Variants in SDK1 observed in about 807,000 individuals in gnomAD.
The protein encoded by SDK1 is sidekick cell adhesion molecule 1, also known as protein sidekick-1.
In SDK1, 157 loss-of-function variants were observed where a neutral mutation model predicts 245.5. The ratio of observed to expected loss-of-function variants is 0.64; its 90% CI spans 0.56 to 0.73. SDK1 has a LOEUF of 0.73. SDK1 is among the 30% of genes least tolerant of loss of function. The pLI, the probability that SDK1 is intolerant of heterozygous loss-of-function variation, is 0.00. For missense variants in SDK1, 3,583 were observed against 3,002.3 expected (o/e 1.19, Z -4.52); for synonymous variants, 1,647 against 1,278.5 (o/e 1.29, Z -6.15).
intron 1 of SDK1, among the ~76,000 whole-genome samples, chr7:3,416,671 C>T (rs1225062854): frequency 6.6e-6 from 1 of 152,082 alleles, no homozygotes; most frequent in African/African-American, 2.4e-5. Flanking sequence ...AACCTGGCCA[C>T]CTTCAGGTCT....
intron 1 of SDK1, among the ~76,000 whole-genome samples, chr7:3,587,520 G>C (rs889454926): frequency 6.6e-6 from 1 of 152,184 alleles, no homozygotes; most frequent in African/African-American, 2.4e-5. Flanking sequence ...AAGTACAGGA[G>C]AAGATTGATG....
intron 28 of SDK1, among the ~76,000 whole-genome samples, chr7:4,133,381 G>A (rs1053501784): frequency 6.6e-6 from 1 of 152,230 alleles, no homozygotes; most frequent in African/African-American, 2.4e-5. Context: ...ACAGTGGGGG[G>A]TGAGGAATGA....
intron 5 of SDK1, among the ~76,000 whole-genome samples, chr7:3,903,368 CA>C (rs1202275579): frequency 1.3e-4 from 20 of 152,206 alleles, no homozygotes; most frequent in African/African-American, 2.9e-4. Context: ...TGGTCTCGAT[CA>C]TCTGCTGACC....
At chr7:3,423,506 C>T (rs1353467766) in intron 1 of SDK1, among the ~76,000 whole-genome samples, 1 of 150,532 alleles carries the variant, frequency 6.6e-6, no homozygotes, top group African/African-American at 2.4e-5. Context: ...AATATAAAAA[C>T]AAATTCGGGA....
In SDK1 at chr7:3,615,142, C is replaced by G. The variant is rs556571458; in HGVS notation, c.299-3938C>G. On this transcript the variant is annotated intron_variant, in intron 1 of 44. Transcript: ENST00000404826. ...TCCCTTTCGAAAAGATGTATGTTTT[C>G]TATGACTCATTCGTGTAGGACACTG... Among the ~76,000 whole-genome samples, 42 of 151,606 alleles carry G rather than the reference C, an allele frequency of 2.8e-4. 5 individuals are homozygous for G. Among genetic ancestry groups the G allele is most frequent in the Non-Finnish European group, 5.6e-4 (38 of 67,822 alleles).
rs564385026 is a variant in SDK1, at chr7:4,244,576, G to A, written c.6252-1100G>A. Among the ~76,000 whole-genome samples, 41 of 152,336 alleles carry A rather than the reference G, an allele frequency of 2.7e-4. No individual in the cohort carries two copies. The Middle Eastern group carries it at 0.01, about 38-fold the overall frequency. On this transcript the variant is annotated intron_variant, in intron 43 of 44. Coordinates refer to ENST00000404826, the MANE Select transcript of SDK1 (RefSeq NM_152744.4). ...CTGAAGAGGGTACTCATTTTCTATC[G>A]CTGCATGGCAAATGATCACAAGTTC...
chr7:3,322,725 C>G (rs1779847710), intron 1 of SDK1, among the ~76,000 whole-genome samples: 1 of 152,182 alleles, frequency 6.6e-6, no homozygotes, highest in Admixed American at 6.5e-5. Context: ...TTCCTGGTTT[C>G]ACATGCCACT....
At chr7:4,233,142 CT>C in intron 40 of SDK1, 112 bp from the exon 41 acceptor site, 4 of 973,520 alleles carry the variant, frequency 4.1e-6, no homozygotes, top group South Asian at 3.0e-5. Flanking sequence ...TCCAGTGCCC[CT>C]GATGCCTCAT....
chr7:3,945,858 C>T (rs1358215478), intron 5 of SDK1, among the ~76,000 whole-genome samples: 1 of 126,882 alleles, frequency 7.9e-6, no homozygotes, highest in African/African-American at 3.0e-5. Flanking sequence ...GAGATCGTGC[C>T]ACTGCACTCC....
At chr7:4,081,982 A>T (rs1781089406) in intron 22 of SDK1, among the ~76,000 whole-genome samples, 1 of 152,244 alleles carries the variant, frequency 6.6e-6, no homozygotes. Flanking sequence ...GTTTAACAAA[A>T]GGAAAACCAG....
chr7:3,518,222 T>C (rs1782811608), intron 1 of SDK1, among the ~76,000 whole-genome samples: 1 of 152,104 alleles, frequency 6.6e-6, no homozygotes, highest in Non-Finnish European at 1.5e-5. Flanking sequence ...CAGATAAAAT[T>C]AGTAATATGT....
chr7:3,709,807 G>A (rs921262604), intron 4 of SDK1, among the ~76,000 whole-genome samples: 14 of 152,066 alleles, frequency 9.2e-5, no homozygotes, highest in East Asian at 3.9e-4. Flanking sequence ...ATATCAAAGG[G>A]AACTTGGCCC....
chr7:4,164,670 C>T (rs1456553174), intron 32 of SDK1, among the ~76,000 whole-genome samples: 1 of 152,210 alleles, frequency 6.6e-6, no homozygotes. Context: ...TGGGATGCGT[C>T]ACCTCCTCCA....
intron 5 of SDK1, among the ~76,000 whole-genome samples, chr7:3,869,226 G>A (rs1301182738): frequency 6.7e-6 from 1 of 149,918 alleles, no homozygotes; most frequent in East Asian, 1.9e-4. Context: ...TGCAATCTCG[G>A]CCCACTGCAA....
chr7:3,875,749 A>G (rs1665459769), intron 5 of SDK1, among the ~76,000 whole-genome samples: 1 of 152,296 alleles, frequency 6.6e-6, no homozygotes, highest in African/African-American at 2.4e-5. Context: ...GAACTAGCAG[A>G]GGTGGTTGGT....
intron 1 of SDK1, among the ~76,000 whole-genome samples, chr7:3,523,756 A>T (rs1366968222): frequency 6.6e-6 from 1 of 152,176 alleles, no homozygotes; most frequent in African/African-American, 2.4e-5. Context: ...ATAATAGCAA[A>T]TATTAAGTAA....
chr7:4,065,694 G>GTTGTTT lies in SDK1; in HGVS notation c.2912-2142_2912-2141insGTTTTT, dbSNP rs1779841876. ...AGTTTCACCCAGATGAGTGGTTGTT[G>GTTGTTT]TTTTTTTTTTTTTTTTTTTTTTTTT... On this transcript the variant is annotated intron_variant, in intron 19 of 44. Transcript: ENST00000404826. Among the ~76,000 whole-genome samples, 54 of 66,688 alleles carry GTTGTTT rather than the reference G, an allele frequency of 8.1e-4. 1 individual carries two copies. Among genetic ancestry groups the GTTGTTT allele is most frequent in the African/African-American group, 1.8e-3 (54 of 29,192 alleles). The allele number at this position is 66,688 out of a possible 152,430, so 43.7% of individuals were successfully genotyped here.
At chr7:3,862,921 G>A (rs373487784) in intron 5 of SDK1, among the ~76,000 whole-genome samples, 41 of 152,242 alleles carry the variant, frequency 2.7e-4, no homozygotes, top group Middle Eastern at 6.8e-3. Flanking sequence ...TTCACAATAG[G>A]GTTTGTGCTC....
intron 1 of SDK1, among the ~76,000 whole-genome samples, chr7:3,412,988 A>G (rs1399538466): frequency 6.6e-6 from 1 of 152,306 alleles, no homozygotes; most frequent in South Asian, 2.1e-4. Context: ...TATTCTGGTA[A>G]ATAAACAAGA....
Sources: allele counts gnomAD v4.1 joint callset (sites outside exome capture counted in the v4.1 genomes callset), GRCh38; gene constraint gnomAD v4.1.1; transcripts MANE v1.5; gene names NCBI Gene and HGNC (gene_info 2026-07-23, HGNC 2026-07-21).